ATG7: variants seen among roughly 807,000 people sequenced by gnomAD.
ATG7 encodes the protein ubiquitin-like modifier-activating enzyme ATG7.
ATG7 carries 70 observed loss-of-function variants against 82.4 expected under a neutral mutation model. That is an observed-to-expected ratio of 0.85 (90% CI 0.70 to 1.04). The LOEUF (loss-of-function observed/expected upper bound fraction) is 1.04. Ranked by LOEUF, ATG7 falls within the 50% of genes least tolerant of loss-of-function variation. The probability of loss-of-function intolerance (pLI) is 0.00; values close to 1 mark genes in which losing one functional copy is unlikely to be tolerated. For synonymous variants in ATG7, 287 were observed against 313.0 expected (o/e 0.92, Z 0.88); for missense variants, 792 against 864.3 (o/e 0.92, Z 1.05).
chr3:11,337,351 G>A (rs1375864802), intron 11 of ATG7, among the ~76,000 whole-genome samples: 2 of 152,138 alleles, frequency 1.3e-5, no homozygotes, highest in Non-Finnish European at 2.9e-5. Context: ...TACTCAGGAG[G>A]CTGAGGCAGG....
chr3:11,347,290 A>C (rs1475538007), intron 13 of ATG7, among the ~76,000 whole-genome samples: 1 of 152,244 alleles, frequency 6.6e-6, no homozygotes, highest in African/African-American at 2.4e-5. Context: ...GTTATAGGAG[A>C]CATAATTGAA....
intron 20 of ATG7, among the ~76,000 whole-genome samples, chr3:11,545,564 T>A (rs2071208797): frequency 6.6e-6 from 1 of 152,110 alleles, no homozygotes; most frequent in Non-Finnish European, 1.5e-5. Context: ...AAACCTGACC[T>A]AGGACTTCAC....
intron 19 of ATG7, among the ~76,000 whole-genome samples, chr3:11,413,611 T>G (rs1214120717): frequency 6.6e-6 from 1 of 152,194 alleles, no homozygotes; most frequent in Non-Finnish European, 1.5e-5. Context: ...TTCAGCAAAG[T>G]AGCAGAATGC....
chr3:11,507,221 T>G (rs760718822), intron 20 of ATG7, among the ~76,000 whole-genome samples: 3 of 151,978 alleles, frequency 2.0e-5, no homozygotes, highest in Non-Finnish European at 4.4e-5. Flanking sequence ...GGCGGAAGTT[T>G]CAGTGAGCTA....
chr3:11,289,796 G>A (rs1268105132), intron 3 of ATG7, among the ~76,000 whole-genome samples: 2 of 152,136 alleles, frequency 1.3e-5, no homozygotes, highest in African/African-American at 4.8e-5. Context: ...CTGGGCTCAA[G>A]CGATCCTCCT....
At chr3:11,425,642 G>A (rs2082301831) in intron 19 of ATG7, among the ~76,000 whole-genome samples, 1 of 152,110 alleles carries the variant, frequency 6.6e-6, no homozygotes, top group Non-Finnish European at 1.5e-5. Flanking sequence ...CCTCTCAAGT[G>A]TATAGGCCTT....
intron 20 of ATG7, among the ~76,000 whole-genome samples, chr3:11,464,681 G>C (rs1411301660): frequency 6.6e-6 from 1 of 152,218 alleles, no homozygotes; most frequent in Non-Finnish European, 1.5e-5. Flanking sequence ...AGTTATTTCT[G>C]TGAAAGTCAT....
intron 20 of ATG7, among the ~76,000 whole-genome samples, chr3:11,511,141 A>T (rs187548723): frequency 2.0e-5 from 3 of 152,144 alleles, no homozygotes; most frequent in Non-Finnish European, 4.4e-5. Context: ...TGCAAAGAGC[A>T]AAAGAACAAA....
At chr3:11,339,066 G>A (rs955488253) in intron 11 of ATG7, among the ~76,000 whole-genome samples, 10 of 152,110 alleles carry the variant, frequency 6.6e-5, no homozygotes, top group Non-Finnish European at 1.2e-4. Context: ...GGAGGCCAAG[G>A]CGGGTGGATC....
intron 3 of ATG7, among the ~76,000 whole-genome samples, chr3:11,293,291 A>C (rs1483034994): frequency 6.6e-6 from 1 of 152,008 alleles, no homozygotes; most frequent in Non-Finnish European, 1.5e-5. Context: ...GCACTTTAGG[A>C]GGCCAAGGCG....
rs913236728 is a variant in ATG7, at chr3:11,299,487, C to G, written c.215+71C>G. On this transcript the variant is annotated intron_variant, in intron 5 of 20. Coordinates refer to ENST00000693202, the MANE Select transcript of ATG7 (RefSeq NM_001349232.2). ...TGGCAAGGAATAAGCATGCTTGCCT[C>G]CCTCATAGGTGGACCACAGGAGGAC... 10 of 1,470,632 alleles carry G rather than the reference C, an allele frequency of 6.8e-6. No individual in the cohort carries two copies. In the African/African-American group the frequency reaches 1.3e-4, roughly 18 times the overall value. 91.1% of individuals were successfully genotyped at this position (1,470,632 alleles called of 1,614,324 possible).
the ATG7 span, among the ~76,000 whole-genome samples, chr3:11,566,856 G>A: frequency 6.6e-6 from 1 of 152,110 alleles, no homozygotes; most frequent in African/African-American, 2.4e-5. Flanking sequence ...GTCTCATTAC[G>A]CTTGCTACCA....
chr3:11,359,383 G>A (rs1341002019), intron 15 of ATG7, among the ~76,000 whole-genome samples: 1 of 152,102 alleles, frequency 6.6e-6, no homozygotes, highest in Non-Finnish European at 1.5e-5. Flanking sequence ...ATGAAAAGTT[G>A]TTATAGTATA....
At chr3:11,525,448 A>AT (rs11310291) in intron 20 of ATG7, among the ~76,000 whole-genome samples, 3,810 of 121,092 alleles carry the variant, frequency 0.031, 210 homozygotes, top group African/African-American at 0.1. Flanking sequence ...AAGACATGTG[A>AT]TTTTTTTTTT....
intron 19 of ATG7, among the ~76,000 whole-genome samples, chr3:11,389,214 C>CAG (rs1359631910): frequency 6.9e-4 from 69 of 99,974 alleles, no homozygotes; most frequent in African/African-American, 2.5e-3. Context: ...GCCTGGGGAA[C>CAG]AGAGAGAGAC....
intron 5 of ATG7, 114 bp downstream of exon 5, chr3:11,299,530 G>A (rs941094406): frequency 1.3e-5 from 14 of 1,049,978 alleles, no homozygotes; most frequent in Non-Finnish European, 1.7e-5. Flanking sequence ...GTTCCCGGTG[G>A]GCAGAGTCAG....
At chr3:11,549,959 T>C (rs950704087) in intron 20 of ATG7, among the ~76,000 whole-genome samples, 1 of 152,350 alleles carries the variant, frequency 6.6e-6, no homozygotes, top group East Asian at 1.9e-4. Flanking sequence ...GGTTTTGATT[T>C]GCATTTCCCT....
intron 19 of ATG7, among the ~76,000 whole-genome samples, chr3:11,392,162 G>A (rs932313447): frequency 3.3e-5 from 5 of 152,160 alleles, no homozygotes; most frequent in Non-Finnish European, 7.3e-5. Context: ...CTTTAGCACA[G>A]ATGCAGGCTG....
intron 20 of ATG7, among the ~76,000 whole-genome samples, chr3:11,551,067 G>C (rs1203421033): frequency 6.6e-6 from 1 of 151,952 alleles, no homozygotes; most frequent in Non-Finnish European, 1.5e-5. Context: ...CTATCTTTTC[G>C]TAATGAGCCG....
Sources: gnomAD v4.1 joint callset for allele counts (sites outside exome capture counted in the v4.1 genomes callset) on GRCh38, gnomAD v4.1.1 for gene constraint, MANE v1.5 for transcripts, NCBI Gene and HGNC (gene_info 2026-07-23, HGNC 2026-07-21) for gene names.